OTULINL: variants seen among roughly 807,000 people sequenced by gnomAD.
OTULINL encodes inactive ubiquitin thioesterase OTULINL.
OTULINL carries 42 observed loss-of-function variants against 43.9 expected under a neutral mutation model. The ratio of observed to expected loss-of-function variants is 0.96; its 90% CI spans 0.75 to 1.24. The LOEUF (loss-of-function observed/expected upper bound fraction) is 1.24, where lower values mean the gene tolerates loss of function less well. OTULINL is among the 50% of genes most tolerant of loss of function. OTULINL has a pLI of 0.00. For synonymous variants in OTULINL, 172 were observed against 153.6 expected, an observed-to-expected ratio of 1.12 and a Z score of -0.88; for missense variants, 411 against 426.4, an observed-to-expected ratio of 0.96 and a Z score of 0.32.
intron 6 of OTULINL, among the ~76,000 whole-genome samples, chr5:14,607,699 G>C (rs575835938): frequency 2.0e-5 from 3 of 152,148 alleles, no homozygotes; most frequent in Non-Finnish European, 2.9e-5. Flanking sequence ...TCTATGGGCC[G>C]GCCTTTAAAC....
intron 3 of OTULINL, 24 bp from the exon 4 acceptor site, chr5:14,601,327 C>G (rs746182732): frequency 1.2e-6 from 2 of 1,612,230 alleles, no homozygotes; most frequent in South Asian, 2.2e-5. Flanking sequence ...GAATTAACAG[C>G]TTTTTATTTT....
chr5:14,595,832 C>T (rs759466037), intron 1 of OTULINL, among the ~76,000 whole-genome samples: 22 of 151,628 alleles, frequency 1.5e-4, no homozygotes, highest in South Asian at 2.1e-4. Context: ...GGGTCGGGGT[C>T]CCAACATGCA....
chr5:14,602,258 A>T lies in OTULINL; in HGVS notation c.424A>T (p.Arg142Ter), dbSNP rs1759401402. The part of the protein sequence containing the change: ...QVRRDNYDAL[R>*]SVLFQIFSQG... Reference sequence around the variant, plus strand: ...AAGGAGAGATAACTATGATGCTCTCAGATCAGTGTTATTTCAGATATTCAG... The same window carrying T: ...AAGGAGAGATAACTATGATGCTCTCTGATCAGTGTTATTTCAGATATTCAG... Residue 142 changes from arginine (R) to a stop codon, truncating the protein, a stop_gained, in exon 5 of 8, where the codon AGA (arginine) becomes TGA (stop). Transcript: ENST00000274217. LOFTEE classifies it high-confidence loss of function. 1 of 1,613,252 alleles carries T rather than the reference A, an allele frequency of 6.2e-7. No individual in the cohort carries two copies.
At chr5:14,600,570 C>G (rs1759366643) in intron 1 of OTULINL, among the ~76,000 whole-genome samples, 1 of 152,156 alleles carries the variant, frequency 6.6e-6, no homozygotes, top group Non-Finnish European at 1.5e-5. Context: ...TTTTGTTCCA[C>G]CTTTCCCTAG....
Position 14,610,200 on chromosome 5 carries a change from C to T in OTULINL, c.957C>T (p.Phe319=). The change falls in exon 8 of 8, where the codon TTC becomes TTT. Residue 319 remains phenylalanine (F), a synonymous_variant. Transcript: ENST00000274217. The part of the protein sequence containing the change: ...LEVKIKVFRL[F]KFNSRDFEVC... ...TAAAGATAAAAGTGTTCAGACTGTTCAAGTTTAACTCCAGAGACTTTGAAG... is the reference window on the plus strand; with the variant it reads ...TAAAGATAAAAGTGTTCAGACTGTTTAAGTTTAACTCCAGAGACTTTGAAG... 6.2e-7 allele frequency: 1 copy of T among 1,613,942 alleles called. No individual in the cohort carries two copies. Among genetic ancestry groups the T allele is most frequent in the African/African-American group, 1.3e-5 (1 of 75,034 alleles).
In OTULINL at chr5:14,608,241, A is replaced by C. The variant is rs557424145; in HGVS notation, c.628-507A>C. Among the ~76,000 whole-genome samples, 47 of 152,356 alleles carry C rather than the reference A, an allele frequency of 3.1e-4. No homozygotes were observed. The East Asian group carries it at 6.7e-3, about 22-fold the overall frequency. On this transcript the variant is annotated intron_variant, in intron 6 of 7. Transcript: ENST00000274217. ...ATGGTCAGCTTAGGCTTCTATAACAAAATACCATAAATTGGGTGGCTTAAC... is the reference window on the plus strand; with the variant it reads ...ATGGTCAGCTTAGGCTTCTATAACACAATACCATAAATTGGGTGGCTTAAC...
At chr5:14,583,546 G>A (rs1411154777) in intron 1 of OTULINL, among the ~76,000 whole-genome samples, 1 of 152,124 alleles carries the variant, frequency 6.6e-6, no homozygotes, top group East Asian at 1.9e-4. Context: ...ATCATCACCC[G>A]GAATTTTTCC....
intron 1 of OTULINL, among the ~76,000 whole-genome samples, chr5:14,591,888 TA>T (rs2126773259): frequency 6.6e-6 from 1 of 152,316 alleles, no homozygotes; most frequent in Admixed American, 6.5e-5. Flanking sequence ...TTTCCATTTT[TA>T]AATGGTTGGG....
chr5:14,601,082 A>T lies in OTULINL; in HGVS notation c.182A>T (p.Tyr61Phe). 1.2e-6 allele frequency: 2 copies of T among 1,613,396 alleles called. No homozygotes were observed. The highest frequency in any genetic ancestry group is 2.2e-5 in the South Asian group (2 of 90,910). The stretch of plus-strand genomic sequence containing the variant: ...TCATTTCTGGTGGCTGCCATCTGCT[A>T]CTTCCGGAGGCTACATTTATATTCA... ...AVSFLVAAIC[Y>F]FRRLHLYSGH... is the part of the protein sequence containing the mutation. The change falls in exon 2 of 8, where the codon TAC becomes TTC. Residue 61 changes from tyrosine to phenylalanine, a missense_variant. Physicochemically the swap from Tyr to Phe is conservative, Grantham distance 22. Transcript: ENST00000274217.
At chr5:14,602,971 T>C (rs2126781708) in intron 5 of OTULINL, among the ~76,000 whole-genome samples, 1 of 152,354 alleles carries the variant, frequency 6.6e-6, no homozygotes, top group Middle Eastern at 3.4e-3. Flanking sequence ...TTCTCTTGTA[T>C]ACTTTGGTAG....
chr5:14,583,258 C>G (rs1383039259), intron 1 of OTULINL, among the ~76,000 whole-genome samples: 1 of 152,208 alleles, frequency 6.6e-6, no homozygotes, highest in Non-Finnish European at 1.5e-5. Flanking sequence ...GTTAGCTGAT[C>G]CAGGCAGCCC....
rs193042093 is a variant in OTULINL at position 14,597,300 on chromosome 5, A to G, written c.65-3665A>G. On this transcript the variant is annotated intron_variant, in intron 1 of 7. Transcript: ENST00000274217. Reference sequence around the variant, plus strand: ...CCTCCTGTGTTGTGATGCAGTGATGATAGTAAGAGTGACCATGCACTGAGC... The same window carrying G: ...CCTCCTGTGTTGTGATGCAGTGATGGTAGTAAGAGTGACCATGCACTGAGC... Among the ~76,000 whole-genome samples, 340 of 152,200 alleles carry G rather than the reference A, an allele frequency of 2.2e-3. 5 individuals are homozygous for G. The highest frequency in any genetic ancestry group is 7.5e-3 in the African/African-American group (313 of 41,518).
chr5:14,608,733 T>C lies in OTULINL; in HGVS notation c.628-15T>C. On this transcript the variant is annotated splice_polypyrimidine_tract_variant and intron_variant, in intron 6 of 7. Coordinates refer to ENST00000274217, the MANE Select transcript of OTULINL (RefSeq NM_019018.3). The stretch of plus-strand genomic sequence containing the variant: ...CCTTTATCCTTCTGAATTTCACTTT[T>C]ACATCTGTTTTTAGTGGACTGAATT... 1 of 1,582,100 alleles carries C rather than the reference T, an allele frequency of 6.3e-7. No individual in the cohort carries two copies. The highest frequency in any genetic ancestry group is 1.4e-5 in the African/African-American group (1 of 74,018).
At position 14,613,185 on chromosome 5, in the gene OTULINL, G is replaced by A. The variant is rs1759611005; in HGVS notation, c.*2871G>A. 2.0e-5 allele frequency among the ~76,000 whole-genome samples: 3 copies of A among 152,330 alleles called. No homozygotes were observed. Among genetic ancestry groups the A allele is most frequent in the Non-Finnish European group, 2.9e-5 (2 of 68,026 alleles). On this transcript the variant is annotated 3_prime_UTR_variant, in exon 8 of 8. Transcript: ENST00000274217. ...GATCCGCCTACCTCGGCATCCCAAA[G>A]TGCTGGGATTACGGGTGTGAGCCAC...
At chr5:14,606,786 A>G (rs888787246) in intron 5 of OTULINL, among the ~76,000 whole-genome samples, 1 of 152,260 alleles carries the variant, frequency 6.6e-6, no homozygotes, top group South Asian at 2.1e-4. Context: ...TATTTTAACA[A>G]AAAAGATTGT....
intron 5 of OTULINL, among the ~76,000 whole-genome samples, chr5:14,605,898 C>T (rs1387520977): frequency 6.6e-6 from 1 of 152,132 alleles, no homozygotes; most frequent in Admixed American, 6.5e-5. Context: ...TAGGGTCTTC[C>T]AAACTTTTCC....
intron 4 of OTULINL, 45 bp downstream of exon 4, chr5:14,601,487 T>C (rs766369612): frequency 1.3e-6 from 2 of 1,520,856 alleles, no homozygotes; most frequent in South Asian, 1.2e-5. Context: ...AGTTTGTCTG[T>C]CAAAATCAGG....
intron 1 of OTULINL, among the ~76,000 whole-genome samples, chr5:14,599,064 TAAA>T (rs1451439580): frequency 6.6e-6 from 1 of 152,246 alleles, no homozygotes; most frequent in Non-Finnish European, 1.5e-5. Flanking sequence ...TAAGCTTTCA[TAAA>T]AAGTTTTACT....
At chr5:14,609,756 G>A (rs1040720609) in intron 7 of OTULINL, among the ~76,000 whole-genome samples, 2 of 151,558 alleles carry the variant, frequency 1.3e-5, no homozygotes, top group African/African-American at 2.4e-5. Context: ...TCAGCCTCCC[G>A]AGTAGCTGGG....
Sources: allele counts gnomAD v4.1 joint callset (sites outside exome capture counted in the v4.1 genomes callset), GRCh38; gene constraint gnomAD v4.1.1; transcripts MANE v1.5; gene names NCBI Gene and HGNC (gene_info 2026-07-23, HGNC 2026-07-21).